Variants in CNTLN observed in about 807,000 individuals in gnomAD.
CNTLN encodes centlein.
Under a neutral mutation model 180.0 loss-of-function variants are expected in CNTLN, and 212 were observed. That is an observed-to-expected ratio of 1.18 (90% CI 1.05 to 1.32). The LOEUF is 1.32. Among genes scored for constraint, CNTLN ranks in the 40% most tolerant of loss-of-function variants. The pLI is 0.00. For missense variants in CNTLN, 2,095 were observed against 1,610.9 expected (o/e 1.30, Z -5.14); for synonymous variants, 722 against 563.1 (o/e 1.28, Z -3.99).
the CNTLN span, among the ~76,000 whole-genome samples, chr9:17,518,075 C>G: frequency 1.3e-5 from 1 of 78,624 alleles, no homozygotes; most frequent in Admixed American, 2.1e-4. Context: ...CGGAGTCTTG[C>G]TTTGTCACCC....
intron 7 of CNTLN, among the ~76,000 whole-genome samples, chr9:17,308,233 C>T (rs943549804): frequency 7.0e-6 from 1 of 143,226 alleles, no homozygotes; most frequent in Non-Finnish European, 1.5e-5. Flanking sequence ...TTTTAATAAA[C>T]TTAAATTTAT....
chr9:17,352,049 A>C (rs1822407238), intron 12 of CNTLN, among the ~76,000 whole-genome samples: 1 of 152,172 alleles, frequency 6.6e-6, no homozygotes, highest in East Asian at 1.9e-4. Context: ...AGTCAGTAGT[A>C]AAGGGGTTTT....
chr9:17,409,451 A>G lies in CNTLN; in HGVS notation c.2774A>G (p.Asn925Ser). The change falls in exon 16 of 26, where the codon AAT (asparagine) becomes AGT (serine). Residue 925 changes from asparagine to serine, a missense_variant. Asn to Ser is a conservative substitution (Grantham distance 46, BLOSUM62 1). Coordinates refer to ENST00000380647, the MANE Select transcript of CNTLN (RefSeq NM_017738.4). ...QGKEIVQTYL[N>S]IDGKTPKDYF... Reference sequence around the variant, plus strand: ...AAAGAAATAGTACAGACATATTTAAATATAGATGGCAAGACCCCAAAGGTA... The same window carrying G: ...AAAGAAATAGTACAGACATATTTAAGTATAGATGGCAAGACCCCAAAGGTA... 3 of 1,602,490 alleles carry G rather than the reference A, an allele frequency of 1.9e-6. No individual in the cohort carries two copies. The highest frequency in any genetic ancestry group is 2.5e-6 in the Non-Finnish European group (3 of 1,177,118).
Position 17,338,659 on chromosome 9 carries a change from C to G in CNTLN, c.1645-2168C>G, listed in dbSNP as rs571793533. ...TAACTTAAATTATTTATTTCACATA[C>G]TTAACAATAGAAAGCTTTTTGTTCA... On this transcript the variant is annotated intron_variant, in intron 10 of 25. Coordinates refer to ENST00000380647, the MANE Select transcript of CNTLN (RefSeq NM_017738.4). Among the ~76,000 whole-genome samples the G allele has an allele frequency of 5.3e-5, 8 of 152,098 alleles. No individual in the cohort carries two copies. In the East Asian group the frequency reaches 1.5e-3, roughly 29 times the overall value.
intron 1 of CNTLN, among the ~76,000 whole-genome samples, chr9:17,142,985 C>T (rs1284723261): frequency 2.0e-5 from 3 of 152,018 alleles, no homozygotes; most frequent in Admixed American, 6.6e-5. Context: ...TTGATAAAAG[C>T]GGAGCTGAAA....
At chr9:17,416,285 A>G in intron 18 of CNTLN, 96 bp downstream of exon 18, 1 of 1,037,050 alleles carries the variant, frequency 9.6e-7, no homozygotes, top group Non-Finnish European at 1.4e-6. Context: ...TGTGTTAGGC[A>G]GGTCTATGAG....
intron 2 of CNTLN, among the ~76,000 whole-genome samples, chr9:17,182,926 A>C (rs1821210771): frequency 6.6e-6 from 1 of 152,234 alleles, no homozygotes; most frequent in African/African-American, 2.4e-5. Context: ...GATAGATTCT[A>C]GTGCGTGCAA....
At chr9:17,230,966 T>C (rs1200874919) in intron 3 of CNTLN, among the ~76,000 whole-genome samples, 1 of 152,054 alleles carries the variant, frequency 6.6e-6, no homozygotes. Flanking sequence ...CCTGTGGAAG[T>C]TTTTTCTCCT....
At chr9:17,371,153 C>G (rs1178049516) in intron 13 of CNTLN, among the ~76,000 whole-genome samples, 3 of 152,014 alleles carry the variant, frequency 2.0e-5, no homozygotes, top group Non-Finnish European at 4.4e-5. Context: ...TGTGAATGGA[C>G]TAAACTCTGT....
intron 12 of CNTLN, among the ~76,000 whole-genome samples, chr9:17,356,094 C>G (rs1260961013): frequency 2.0e-5 from 3 of 148,962 alleles, no homozygotes; most frequent in Non-Finnish European, 4.5e-5. Context: ...AAAAGGAAAT[C>G]AGTCCAACAG....
downstream of CNTLN, among the ~76,000 whole-genome samples, chr9:17,504,955 A>G (rs913868912): frequency 2.6e-5 from 4 of 152,142 alleles, no homozygotes; most frequent in African/African-American, 9.7e-5. Flanking sequence ...ATAGAAAACA[A>G]ATAGAATTTG....
chr9:17,507,031 A>C (rs1309111565), downstream of CNTLN, among the ~76,000 whole-genome samples: 2 of 152,146 alleles, frequency 1.3e-5, no homozygotes, highest in Non-Finnish European at 2.9e-5. Context: ...GTACGTGTGT[A>C]GGTTTGCTAA....
chr9:17,198,395 T>C (rs1043736127), intron 2 of CNTLN, among the ~76,000 whole-genome samples: 3 of 150,238 alleles, frequency 2.0e-5, no homozygotes, highest in African/African-American at 2.4e-5. Context: ...TCTTTTTTTT[T>C]TTTTTTTTGT....
intron 13 of CNTLN, among the ~76,000 whole-genome samples, chr9:17,379,028 A>T (rs1825009290): frequency 6.6e-6 from 1 of 151,542 alleles, no homozygotes; most frequent in Non-Finnish European, 1.5e-5. Context: ...TATTTTCAGT[A>T]AGTATAGAAT....
In CNTLN at chr9:17,255,384, C is replaced by G. The variant is rs184501265; in HGVS notation, c.850-18349C>G. Among the ~76,000 whole-genome samples, 769 of 151,688 alleles carry G rather than the reference C, an allele frequency of 5.1e-3. 5 individuals carry two copies. The highest frequency in any genetic ancestry group is 7.9e-3 in the Admixed American group (120 of 15,194). ...CTTCTATTCCTAGTTGGTGGGTGTT[C>G]TTTTAATCATGAAAGGGTGTTCAAT... is the stretch of plus-strand genomic sequence containing the variant. On this transcript the variant is annotated intron_variant, in intron 5 of 25. Coordinates refer to ENST00000380647, the MANE Select transcript of CNTLN (RefSeq NM_017738.4).
At chr9:17,522,600 C>A in the CNTLN span, among the ~76,000 whole-genome samples, 1 of 152,016 alleles carries the variant, frequency 6.6e-6, no homozygotes, top group African/African-American at 2.4e-5. Context: ...CCTTGCCAAT[C>A]CCTAATGCTT....
chr9:17,198,655 T>C (rs185547663), intron 2 of CNTLN, among the ~76,000 whole-genome samples: 178 of 151,764 alleles, frequency 1.2e-3, no homozygotes, highest in Middle Eastern at 3.4e-3. Context: ...GTTTGTTACA[T>C]AGGTATACAT....
chr9:17,350,727 A>G (rs1822292717), intron 12 of CNTLN, among the ~76,000 whole-genome samples: 1 of 152,102 alleles, frequency 6.6e-6, no homozygotes. Context: ...GTGTATTATC[A>G]CATTTCAGAT....
At chr9:17,429,716 T>C (rs1372698) in intron 18 of CNTLN, among the ~76,000 whole-genome samples, 126,684 of 151,884 alleles carry the variant, frequency 0.83, 53,231 homozygotes, top group Non-Finnish European at 0.88. Flanking sequence ...GAAGTCAAAA[T>C]CTTGAACCTT....
Sources: gnomAD v4.1 joint callset for allele counts (sites outside exome capture counted in the v4.1 genomes callset) on GRCh38, gnomAD v4.1.1 for gene constraint, MANE v1.5 for transcripts, NCBI Gene and HGNC (gene_info 2026-07-23, HGNC 2026-07-21) for gene names.